FAM13C: variants seen among roughly 807,000 people sequenced by gnomAD.
The protein encoded by FAM13C is protein FAM13C.
FAM13C carries 37 observed loss-of-function variants against 73.2 expected under a neutral mutation model. The ratio of observed to expected loss-of-function variants is 0.51; its 90% CI spans 0.39 to 0.67. The LOEUF is 0.67. FAM13C is among the 30% of genes least tolerant of loss of function. The probability of loss-of-function intolerance (pLI) is 0.00; values close to 1 mark genes in which losing one functional copy is unlikely to be tolerated. For synonymous variants in FAM13C, 246 were observed against 260.9 expected, an observed-to-expected ratio of 0.94 and a Z score of 0.55; for missense variants, 589 against 715.6, an observed-to-expected ratio of 0.82 and a Z score of 2.02.
intron 4 of FAM13C, among the ~76,000 whole-genome samples, chr10:59,310,904 A>T (rs1029927560): frequency 6.6e-6 from 1 of 152,216 alleles, no homozygotes; most frequent in Non-Finnish European, 1.5e-5. Flanking sequence ...ACATATAGTT[A>T]AGAAGCACTC....
At chr10:59,272,462 T>C (rs1442089649) in intron 6 of FAM13C, among the ~76,000 whole-genome samples, 2 of 151,788 alleles carry the variant, frequency 1.3e-5, no homozygotes. Context: ...GAGCCAATGC[T>C]GCTGCTGTCC....
chr10:59,354,656 T>G (rs1855483056), intron 2 of FAM13C, among the ~76,000 whole-genome samples: 1 of 152,206 alleles, frequency 6.6e-6, no homozygotes, highest in Non-Finnish European at 1.5e-5. Context: ...AAAGCTATTG[T>G]TACTCTCAGG....
In FAM13C at chr10:59,278,979, T is replaced by A. The variant is rs556047672; in HGVS notation, c.592+4384A>T. Among the ~76,000 whole-genome samples, 24 of 152,356 alleles carry A rather than the reference T, an allele frequency of 1.6e-4. No homozygotes were observed. In the South Asian group the frequency reaches 5.0e-3, roughly 32 times the overall value. Reference sequence around the variant, plus strand: ...GGGGTTGCCCCCACATAGGCTGAAATATCAAGTTTTATGGATAACCAGATG... The same window carrying A: ...GGGGTTGCCCCCACATAGGCTGAAAAATCAAGTTTTATGGATAACCAGATG... On this transcript the variant is annotated intron_variant, in intron 6 of 13. Coordinates refer to ENST00000618804, the MANE Select transcript of FAM13C (RefSeq NM_198215.4).
upstream of FAM13C, chr10:59,362,860 T>G: frequency 1.8e-5 from 4 of 226,966 alleles, no homozygotes; most frequent in East Asian, 1.3e-4. Context: ...AGTGCTGAAA[T>G]ACCCGGGAGA....
intron 3 of FAM13C, among the ~76,000 whole-genome samples, chr10:59,327,989 C>A (rs916205534): frequency 2.6e-5 from 4 of 152,174 alleles, no homozygotes; most frequent in African/African-American, 7.2e-5. Context: ...TTTCTGCCAC[C>A]TGGCCAAGCG....
chr10:59,335,613 A>C (rs570801329), intron 3 of FAM13C, among the ~76,000 whole-genome samples: 2 of 152,320 alleles, frequency 1.3e-5, no homozygotes, highest in Admixed American at 1.3e-4. Context: ...AATGATGTTG[A>C]GAATAACTGA....
rs753322820 is a variant in FAM13C at position 59,362,362 on chromosome 10, G to A, written c.62+37C>T. The A allele has an allele frequency of 1.9e-6, 3 of 1,608,834 alleles. No individual in the cohort carries two copies. The African/African-American group carries it at 4.0e-5, about 21-fold the overall frequency. ...TCACGATAGTTGCTTCCAGAGAAAG[G>A]CATGCAAGTCTAATTTTAATGGTAA... On this transcript the variant is annotated intron_variant, in intron 1 of 13. Coordinates refer to ENST00000618804, the MANE Select transcript of FAM13C (RefSeq NM_198215.4).
chr10:59,320,018 A>C (rs1017981577), intron 4 of FAM13C, among the ~76,000 whole-genome samples: 1 of 152,184 alleles, frequency 6.6e-6, no homozygotes, highest in Non-Finnish European at 1.5e-5. Flanking sequence ...CAGGAGCAGC[A>C]GTTGCCAGGA....
intron 5 of FAM13C, among the ~76,000 whole-genome samples, chr10:59,302,337 C>T (rs973317747): frequency 1.3e-5 from 2 of 152,280 alleles, no homozygotes; most frequent in South Asian, 2.1e-4. Flanking sequence ...GAAAATACGG[C>T]TTCACGTCTT....
chr10:59,289,790 C>G (rs1846014395), intron 5 of FAM13C, among the ~76,000 whole-genome samples: 2 of 152,078 alleles, frequency 1.3e-5, no homozygotes, highest in African/African-American at 2.4e-5. Flanking sequence ...GATGAGGGAC[C>G]CTTCATTCCA....
chr10:59,260,642 AT>A (rs1265318526), intron 10 of FAM13C, among the ~76,000 whole-genome samples: 1 of 152,068 alleles, frequency 6.6e-6, no homozygotes, highest in African/African-American at 2.4e-5. Flanking sequence ...ATTTTTAATG[AT>A]TTCTTTTTAT....
intron 13 of FAM13C, among the ~76,000 whole-genome samples, chr10:59,250,304 G>T (rs1041484910): frequency 6.6e-6 from 1 of 151,862 alleles, no homozygotes; most frequent in African/African-American, 2.4e-5. Flanking sequence ...TTTTATAAAA[G>T]AAAAAAGTAT....
intron 3 of FAM13C, among the ~76,000 whole-genome samples, chr10:59,339,549 T>C (rs1054510194): frequency 3.3e-5 from 5 of 152,152 alleles, no homozygotes; most frequent in Non-Finnish European, 7.3e-5. Context: ...CAACAGTACA[T>C]GGATGATAAA....
At chr10:59,293,889 C>T (rs1033204583) in intron 5 of FAM13C, among the ~76,000 whole-genome samples, 2 of 152,204 alleles carry the variant, frequency 1.3e-5, no homozygotes, top group Non-Finnish European at 2.9e-5. Flanking sequence ...TAGAAGAAAA[C>T]ATTTCAAAGG....
chr10:59,272,699 G>C (rs933913344), intron 6 of FAM13C, among the ~76,000 whole-genome samples: 2 of 152,188 alleles, frequency 1.3e-5, no homozygotes, highest in Admixed American at 6.5e-5. Flanking sequence ...GCTCCAGCCA[G>C]TTTCCCCACC....
chr10:59,354,404 G>A (rs1855445330), intron 2 of FAM13C, among the ~76,000 whole-genome samples: 1 of 152,088 alleles, frequency 6.6e-6, no homozygotes, highest in African/African-American at 2.4e-5. Context: ...AAAAGCACAG[G>A]TTATGTAATT....
intron 3 of FAM13C, among the ~76,000 whole-genome samples, chr10:59,329,844 T>C (rs1047128823): frequency 3.9e-5 from 6 of 152,172 alleles, no homozygotes; most frequent in Non-Finnish European, 8.8e-5. Context: ...ATGTACATTT[T>C]CTCATTTACT....
At chr10:59,255,803 T>C (rs1207095348) in intron 10 of FAM13C, among the ~76,000 whole-genome samples, 2 of 152,172 alleles carry the variant, frequency 1.3e-5, no homozygotes, top group Admixed American at 1.3e-4. Context: ...CTACCTTTCC[T>C]CTCAACTTAT....
chr10:59,270,164 G>A, intron 6 of FAM13C, 55 bp from the exon 7 acceptor site: 1 of 1,525,038 alleles, frequency 6.6e-7, no homozygotes, highest in Non-Finnish European at 9.0e-7. Flanking sequence ...GCTTGAGACT[G>A]TCATGTTCCT....
Sources: allele counts gnomAD v4.1 joint callset (sites outside exome capture counted in the v4.1 genomes callset), GRCh38; gene constraint gnomAD v4.1.1; transcripts MANE v1.5; gene names NCBI Gene and HGNC (gene_info 2026-07-23, HGNC 2026-07-21).